The following FBXW4 variants were observed in gnomAD, a reference collection of about 807,000 sequenced individuals.
FBXW4 encodes the protein F-box/WD repeat-containing protein 4.
FBXW4 carries 40 observed loss-of-function variants against 61.8 expected under a neutral mutation model. The observed-to-expected ratio is 0.65, with a 90% CI of 0.50 to 0.84. The LOEUF (loss-of-function observed/expected upper bound fraction) is 0.84. Ranked by LOEUF, FBXW4 falls within the 40% of genes least tolerant of loss-of-function variation. The pLI, the probability that FBXW4 is intolerant of heterozygous loss-of-function variation, is 0.00. For synonymous variants in FBXW4, 311 were observed against 313.8 expected, an observed-to-expected ratio of 0.99 and a Z score of 0.10; for missense variants, 672 against 753.8, an observed-to-expected ratio of 0.89 and a Z score of 1.27.
At chr10:101,692,547 G>A (rs1346410357) in intron 1 of FBXW4, among the ~76,000 whole-genome samples, 1 of 151,772 alleles carries the variant, frequency 6.6e-6, no homozygotes, top group Non-Finnish European at 1.5e-5. Flanking sequence ...CCTGAGGTCG[G>A]CAGTTCGAGA....
intron 4 of FBXW4, among the ~76,000 whole-genome samples, chr10:101,668,603 AG>A (rs1203063158): frequency 6.6e-6 from 1 of 152,202 alleles, no homozygotes; most frequent in Admixed American, 6.5e-5. Flanking sequence ...GTAGCAGAAA[AG>A]CTTAACTCTT....
intron 5 of FBXW4, among the ~76,000 whole-genome samples, chr10:101,657,971 T>C (rs776649576): frequency 6.6e-6 from 1 of 152,172 alleles, no homozygotes; most frequent in South Asian, 2.1e-4. Flanking sequence ...TCTTTCTCCA[T>C]GGTATGAGGA....
At chr10:101,640,594 C>T (rs543200999) in intron 5 of FBXW4, among the ~76,000 whole-genome samples, 4 of 137,526 alleles carry the variant, frequency 2.9e-5, no homozygotes, top group Admixed American at 8.1e-5. Flanking sequence ...TGGGTTCAAG[C>T]GATTCTTGTG....
intron 5 of FBXW4, chr10:101,628,076 T>C (rs1564906039): frequency 3.5e-6 from 2 of 577,490 alleles, no homozygotes; most frequent in African/African-American, 4.0e-5. Flanking sequence ...TCAAAGGCTC[T>C]CAATAAATAC....
chr10:101,627,848 C>T (rs1170253707), intron 5 of FBXW4: 1 of 534,984 alleles, frequency 1.9e-6, no homozygotes, highest in Non-Finnish European at 2.4e-6. Flanking sequence ...ACTCAGACTC[C>T]TCCCTTGAGA....
chr10:101,675,421 A>G (rs991882523), intron 2 of FBXW4, among the ~76,000 whole-genome samples: 7 of 152,192 alleles, frequency 4.6e-5, no homozygotes, highest in Non-Finnish European at 1.0e-4. Context: ...TATTTGCCAA[A>G]CTGCTTGAAA....
chr10:101,668,086 T>C, intron 4 of FBXW4, 106 bp from the exon 5 acceptor site: 2 of 839,128 alleles, frequency 2.4e-6, no homozygotes. Context: ...TGGGGAATCC[T>C]TTATGCCCTG....
Position 101,676,436 on chromosome 10 carries a change from C to T in FBXW4, c.726G>A (p.Leu242=). Residue 242 remains leucine, a splice_region_variant and synonymous_variant, in exon 2 of 9, where the codon CTG becomes CTA. Coordinates refer to ENST00000331272, the MANE Select transcript of FBXW4 (RefSeq NM_022039.4). ...GTTCCTTCACTGGGACACTGGTCAT[C>T]CTATGTCCAGACAGAACAGATAATC... is the stretch of plus-strand genomic sequence containing the variant. ...NSGFTRLGTD[L]MTSVPVKERV... 2 of 1,611,422 alleles carry T rather than the reference C, an allele frequency of 1.2e-6. No homozygotes were observed. Among genetic ancestry groups the T allele is most frequent in the African/African-American group, 1.3e-5 (1 of 74,970 alleles).
intron 3 of FBXW4, 130 bp from the exon 4 acceptor site, chr10:101,673,177 G>GT: frequency 8.7e-7 from 1 of 1,149,296 alleles, no homozygotes; most frequent in South Asian, 1.6e-5. Flanking sequence ...ATTCAGCCCA[G>GT]TAAGGTGCTG....
Position 101,610,729 on chromosome 10 carries a change from G to A in FBXW4, c.*562C>T, listed in dbSNP as rs2063773175. 1 of 152,360 alleles carries A rather than the reference G, an allele frequency of 6.6e-6. No individual in the cohort carries two copies. The highest frequency in any genetic ancestry group is 2.4e-5 in the African/African-American group (1 of 41,448). The allele number at this position is 152,360 out of a possible 1,614,324, so 9.4% of individuals were successfully genotyped here. A position where few individuals can be genotyped will look rare whatever the true frequency, so the allele number is the denominator to read the frequency against. ...TGTAGCATGTCTCAACAGCCAGCCT[G>A]AGGTAGGGCTGGCTCAGAACTCACT... On this transcript the variant is annotated 3_prime_UTR_variant, in exon 9 of 9. Coordinates refer to ENST00000331272, the MANE Select transcript of FBXW4 (RefSeq NM_022039.4).
intron 5 of FBXW4, among the ~76,000 whole-genome samples, chr10:101,647,513 C>T (rs1159610906): frequency 6.6e-6 from 1 of 152,194 alleles, no homozygotes; most frequent in Non-Finnish European, 1.5e-5. Flanking sequence ...CCAACACTTG[C>T]TTTGGAATCG....
intron 1 of FBXW4, among the ~76,000 whole-genome samples, chr10:101,689,494 T>C (rs11191092): frequency 0.15 from 23,390 of 152,206 alleles, 2,082 homozygotes; most frequent in Middle Eastern, 0.22. Context: ...AAATAAGGCC[T>C]TTCCAAACGC....
intron 5 of FBXW4, among the ~76,000 whole-genome samples, chr10:101,644,580 A>G (rs960768989): frequency 1.4e-4 from 22 of 152,258 alleles, no homozygotes; most frequent in Non-Finnish European, 2.6e-4. Flanking sequence ...TGCTCTCTCC[A>G]GAGGGCCTGG....
In FBXW4 at chr10:101,694,677, A is replaced by C. The variant is rs2064656920; in HGVS notation, c.429T>G (p.Gly143=). The change falls in exon 1 of 9, where the codon GGT becomes GGG. Residue 143 remains glycine (G), a synonymous_variant. Coordinates refer to ENST00000331272, the MANE Select transcript of FBXW4 (RefSeq NM_022039.4). This position sits in a 1 kb window ranked among gnomAD's most constrained non-coding sequence, Gnocchi z 6.0. Reference sequence around the variant, plus strand: ...TCCCCGCGATGTCGGCCCAAGCCTGACCCCCTCGTCCCTGTGCTCTTCCCG... The same window carrying C: ...TCCCCGCGATGTCGGCCCAAGCCTGCCCCCCTCGTCCCTGTGCTCTTCCCG... ...ARPGRAQGRG[G]QAWADIAGTG... The C allele has an allele frequency of 2.9e-6, 4 of 1,390,296 alleles. No homozygotes were observed. The highest frequency in any genetic ancestry group is 1.6e-5 in the South Asian group (1 of 61,880). 86.1% of individuals were successfully genotyped at this position (1,390,296 alleles called of 1,614,324 possible).
chr10:101,621,300 G>C (rs1456728657), intron 6 of FBXW4, among the ~76,000 whole-genome samples: 1 of 152,242 alleles, frequency 6.6e-6, no homozygotes, highest in East Asian at 1.9e-4. Context: ...GCCAAGGTGG[G>C]AGGATCACTT....
chr10:101,646,794 T>C (rs953383843), intron 5 of FBXW4, among the ~76,000 whole-genome samples: 4 of 152,134 alleles, frequency 2.6e-5, no homozygotes, highest in Non-Finnish European at 4.4e-5. Flanking sequence ...GGTTCTGGGG[T>C]ATTTAGTTGG....
At chr10:101,621,538 A>T (rs1003453943) in intron 6 of FBXW4, among the ~76,000 whole-genome samples, 1 of 152,120 alleles carries the variant, frequency 6.6e-6, no homozygotes, top group Non-Finnish European at 1.5e-5. Flanking sequence ...TCAAGAAAAA[A>T]AGAAGCTTCC....
At chr10:101,675,932 C>T (rs1259629123) in intron 2 of FBXW4, among the ~76,000 whole-genome samples, 1 of 152,116 alleles carries the variant, frequency 6.6e-6, no homozygotes, top group African/African-American at 2.4e-5. Flanking sequence ...GAAGAAGTAA[C>T]TCCATAGAGT....
chr10:101,640,273 A>G (rs1288545939), intron 5 of FBXW4, among the ~76,000 whole-genome samples: 1 of 152,206 alleles, frequency 6.6e-6, no homozygotes, highest in Non-Finnish European at 1.5e-5. Context: ...GGTCTGGACA[A>G]CAGAAAATAA....
Sources: allele counts gnomAD v4.1 joint callset (sites outside exome capture counted in the v4.1 genomes callset), GRCh38; gene constraint gnomAD v4.1.1; non-coding constraint Gnocchi (gnomAD v3.1); transcripts MANE v1.5; gene names NCBI Gene and HGNC (gene_info 2026-07-23, HGNC 2026-07-21).